The following HCN1 variants were observed in gnomAD, a reference collection of about 807,000 sequenced individuals.
HCN1 encodes potassium/sodium hyperpolarization-activated cyclic nucleotide-gated channel 1.
In HCN1, 13 loss-of-function variants were observed where a neutral mutation model predicts 78.9. That is an observed-to-expected ratio of 0.16 (90% confidence interval 0.11 to 0.26). The LOEUF is 0.26. Ranked by LOEUF, HCN1 falls within the 10% of genes least tolerant of loss-of-function variation. HCN1 has a pLI of 1.00. For missense variants in HCN1, 810 were observed against 1,154.3 expected (o/e 0.70, Z 4.32); for synonymous variants, 552 against 455.5 (o/e 1.21, Z -2.70).
chr5:45,313,561 A>T (rs1440486095), intron 5 of HCN1, among the ~76,000 whole-genome samples: 1 of 152,168 alleles, frequency 6.6e-6, no homozygotes, highest in Non-Finnish European at 1.5e-5. Context: ...AGACGATAAA[A>T]CTTCTCCAAG....
At chr5:45,277,240 A>G (rs1745081103) in intron 6 of HCN1, among the ~76,000 whole-genome samples, 1 of 152,138 alleles carries the variant, frequency 6.6e-6, no homozygotes, top group African/African-American at 2.4e-5. Context: ...CTTTTGCTTC[A>G]TAATACAGGC....
At chr5:45,560,934 C>A (rs1463155613) in intron 2 of HCN1, among the ~76,000 whole-genome samples, 2 of 152,094 alleles carry the variant, frequency 1.3e-5, no homozygotes, top group Non-Finnish European at 2.9e-5. Flanking sequence ...AACCTCTTTA[C>A]AAATGCTAAG....
At chr5:45,659,843 G>C (rs1233685237) in intron 1 of HCN1, among the ~76,000 whole-genome samples, 2 of 122,040 alleles carry the variant, frequency 1.6e-5, no homozygotes, top group Non-Finnish European at 3.3e-5. Flanking sequence ...GTACCTGAAA[G>C]TGATGTGGAG....
At chr5:45,625,832 T>A (rs1745153484) in intron 2 of HCN1, among the ~76,000 whole-genome samples, 3 of 151,900 alleles carry the variant, frequency 2.0e-5, no homozygotes, top group South Asian at 2.1e-4. Context: ...AAAAAAAAAA[T>A]TCATTGTCTT....
intron 1 of HCN1, among the ~76,000 whole-genome samples, chr5:45,664,997 C>T (rs1372516442): frequency 6.6e-6 from 1 of 151,518 alleles, no homozygotes; most frequent in Non-Finnish European, 1.5e-5. Context: ...GACACATGCA[C>T]ACGTATGCTA....
At chr5:45,515,092 T>C (rs545759976) in intron 2 of HCN1, among the ~76,000 whole-genome samples, 10 of 152,122 alleles carry the variant, frequency 6.6e-5, no homozygotes, top group African/African-American at 1.9e-4. Flanking sequence ...TCATGATATA[T>C]AGACCCTATG....
intron 1 of HCN1, among the ~76,000 whole-genome samples, chr5:45,686,573 G>C (rs748567966): frequency 6.6e-6 from 1 of 152,136 alleles, no homozygotes; most frequent in Non-Finnish European, 1.5e-5. Context: ...ATTAGGTACT[G>C]TTGAACCAAG....
intron 4 of HCN1, among the ~76,000 whole-genome samples, chr5:45,372,173 A>T (rs374968454): frequency 1.5e-5 from 1 of 66,756 alleles, no homozygotes; most frequent in African/African-American, 6.9e-5. Flanking sequence ...ATATATAATT[A>T]TATTATAATA....
At chr5:45,656,117 T>C (rs1745760763) in intron 1 of HCN1, among the ~76,000 whole-genome samples, 5 of 152,184 alleles carry the variant, frequency 3.3e-5, no homozygotes. Context: ...TAAGACATGT[T>C]CGTAAATTGC....
chr5:45,499,671 T>C (rs1742149481), intron 2 of HCN1, among the ~76,000 whole-genome samples: 1 of 152,216 alleles, frequency 6.6e-6, no homozygotes, highest in Non-Finnish European at 1.5e-5. Flanking sequence ...TCAATATATA[T>C]TGATTTAAGT....
At chr5:45,530,671 T>G (rs1211079458) in intron 2 of HCN1, among the ~76,000 whole-genome samples, 2 of 152,062 alleles carry the variant, frequency 1.3e-5, no homozygotes, top group African/African-American at 4.8e-5. Context: ...ACTAAGGACC[T>G]TTCAAAATAA....
intron 3 of HCN1, among the ~76,000 whole-genome samples, chr5:45,437,863 G>T (rs1740587402): frequency 6.6e-6 from 1 of 152,188 alleles, no homozygotes; most frequent in Non-Finnish European, 1.5e-5. Flanking sequence ...GATCTCTTCT[G>T]ACAGAGTCAG....
chr5:45,645,735 T>C (rs191904353), intron 1 of HCN1, 127 bp from the exon 2 acceptor site: 1 of 586,090 alleles, frequency 1.7e-6, no homozygotes, highest in African/African-American at 1.9e-5. Context: ...TTTTATTTTT[T>C]AAAAATGTAA....
At chr5:45,671,357 G>A (rs1354736546) in intron 1 of HCN1, among the ~76,000 whole-genome samples, 3 of 151,250 alleles carry the variant, frequency 2.0e-5, no homozygotes, top group African/African-American at 4.8e-5. Flanking sequence ...ATCATGTTCA[G>A]TATGCATTAG....
intron 5 of HCN1, among the ~76,000 whole-genome samples, chr5:45,326,821 A>C (rs561522186): frequency 2.2e-4 from 34 of 151,734 alleles, no homozygotes; most frequent in Non-Finnish European, 4.6e-4. Flanking sequence ...ATGCAAATGA[A>C]GTTTGAAATT....
chr5:45,274,118 A>C (rs1342170451), intron 6 of HCN1, among the ~76,000 whole-genome samples: 2 of 152,170 alleles, frequency 1.3e-5, no homozygotes, highest in Non-Finnish European at 2.9e-5. Flanking sequence ...GATATAAAGA[A>C]GGTATTATTC....
chr5:45,494,552 C>CACT, intron 2 of HCN1, among the ~76,000 whole-genome samples: 4 of 151,762 alleles, frequency 2.6e-5, no homozygotes, highest in Non-Finnish European at 5.9e-5. Context: ...TTGTGGGTTG[C>CACT]CTGTTCACTC....
intron 3 of HCN1, among the ~76,000 whole-genome samples, chr5:45,399,570 A>T (rs1365438168): frequency 6.6e-6 from 1 of 152,186 alleles, no homozygotes; most frequent in Non-Finnish European, 1.5e-5. Context: ...TAAACTTTTC[A>T]AGCTATTTTA....
intron 2 of HCN1, among the ~76,000 whole-genome samples, chr5:45,574,103 T>C (rs1743889936): frequency 6.6e-6 from 1 of 152,112 alleles, no homozygotes; most frequent in African/African-American, 2.4e-5. Context: ...CTATCCACAA[T>C]ACCATGATGC....
Sources: allele counts gnomAD v4.1 joint callset (sites outside exome capture counted in the v4.1 genomes callset), GRCh38; gene constraint gnomAD v4.1.1; transcripts MANE v1.5; gene names NCBI Gene and HGNC (gene_info 2026-07-23, HGNC 2026-07-21).